The following POLH variants were observed in gnomAD, a reference collection of about 807,000 sequenced individuals.
The protein encoded by POLH is DNA polymerase eta transcript.
A neutral mutation model predicts 73.6 loss-of-function variants in POLH; 53 were observed. That is an observed-to-expected ratio of 0.72 (90% CI 0.58 to 0.91). The LOEUF is 0.91. POLH is among the 40% of genes least tolerant of loss of function. The pLI, the probability that POLH is intolerant of heterozygous loss-of-function variation, is 0.00. For missense variants in POLH, 768 were observed against 865.4 expected, an observed-to-expected ratio of 0.89 and a Z score of 1.41; for synonymous variants, 292 against 308.5, an observed-to-expected ratio of 0.95 and a Z score of 0.56.
intron 6 of POLH, among the ~76,000 whole-genome samples, chr6:43,601,894 C>G (rs1582304920): frequency 6.6e-6 from 1 of 152,188 alleles, no homozygotes; most frequent in Non-Finnish European, 1.5e-5. Flanking sequence ...CCTGTCTCTA[C>G]TAAAAATACA....
In POLH at chr6:43,614,029, TC is replaced by T. The variant is rs746453564; in HGVS notation, c.1615del (p.Leu539Ter). 2.5e-6 allele frequency: 4 copies of T among 1,614,034 alleles called. No homozygotes were observed. Among genetic ancestry groups the T allele is most frequent in the Non-Finnish European group, 3.4e-6 (4 of 1,180,042 alleles). ...EPFFKQKSLL[L>X]KQKQLNNSSV... is the part of the protein sequence containing the mutation. ...CCTTCTTTAAGCAGAAAAGTCTGCT[TC>T]TAAAGCAGAAACAGCTTAATAATTC... On this transcript the variant is annotated frameshift_variant, in exon 11 of 11. Coordinates refer to ENST00000372236, the MANE Select transcript of POLH (RefSeq NM_006502.3). LOFTEE classifies it high-confidence loss of function.
At chr6:43,577,556 T>A (rs1274421310) in intron 1 of POLH, among the ~76,000 whole-genome samples, 2 of 152,242 alleles carry the variant, frequency 1.3e-5, no homozygotes, top group Non-Finnish European at 2.9e-5. Context: ...CTTTGACTGC[T>A]CTGATTTTAA....
At chr6:43,586,759 A>G (rs1046858072) in intron 3 of POLH, among the ~76,000 whole-genome samples, 1 of 152,218 alleles carries the variant, frequency 6.6e-6, no homozygotes, top group African/African-American at 2.4e-5. Flanking sequence ...CTCACCGTTG[A>G]CTGAAGTATA....
chr6:43,590,996 A>G (rs1765404094), intron 4 of POLH: 1 of 152,150 alleles, frequency 6.6e-6, no homozygotes, highest in African/African-American at 2.4e-5. Flanking sequence ...ACAATTGCAT[A>G]AAATGCCTTT....
chr6:43,620,356 A>G lies in POLH; in HGVS notation c.*5799A>G, dbSNP rs1397615533. ...AACCTATGTGGAGGAGAGAAAAACA[A>G]TGGTGAACGAGATACCAGCTGGGCT... On this transcript the variant is annotated 3_prime_UTR_variant, in exon 11 of 11. Coordinates refer to ENST00000372236, the MANE Select transcript of POLH (RefSeq NM_006502.3). The G allele has an allele frequency of 4.0e-6, 2 of 506,026 alleles. No individual in the cohort carries two copies. The highest frequency in any genetic ancestry group is 5.6e-5 in the East Asian group (1 of 17,712). 31.3% of individuals were successfully genotyped at this position (506,026 alleles called of 1,614,324 possible).
chr6:43,616,759 TAAAC>T lies in POLH; in HGVS notation c.*2204_*2207del, dbSNP rs1424641552. On this transcript the variant is annotated 3_prime_UTR_variant, in exon 11 of 11. Transcript: ENST00000372236. Reference sequence around the variant, plus strand: ...CTTTCTGTACATAAAAGTGACTTAATAAACAGTGAATTTCATACAGGTAAACCCT... The same window carrying T: ...CTTTCTGTACATAAAAGTGACTTAATAGTGAATTTCATACAGGTAAACCCT... Among the ~76,000 whole-genome samples the T allele has an allele frequency of 6.6e-6, 1 of 152,196 alleles. No homozygotes were observed. The highest frequency in any genetic ancestry group is 1.5e-5 in the Non-Finnish European group (1 of 68,024).
rs200496091 is a variant in POLH, at chr6:43,614,367, T to C, written c.1952T>C (p.Met651Thr). The C allele has an allele frequency of 2.2e-5, 35 of 1,613,790 alleles. No individual in the cohort carries two copies. The highest frequency in any genetic ancestry group is 3.3e-4 in the Middle Eastern group (2 of 6,084). ...CCGGTATGGGATATGCCAGAACACA[T>C]GGACTATCATTTTGCATTGGAGTTG... is the stretch of plus-strand genomic sequence containing the variant. ...LVPVWDMPEHMDYHFALELQK... is the reference protein window; with the variant it reads ...LVPVWDMPEHTDYHFALELQK... The change falls in exon 11 of 11, where the codon ATG becomes ACG. Residue 651 changes from methionine to threonine, a missense_variant. By Grantham distance (81) the Met-to-Thr change is moderately conservative. Coordinates refer to ENST00000372236, the MANE Select transcript of POLH (RefSeq NM_006502.3).
chr6:43,581,860 C>T lies in POLH; in HGVS notation c.-4-456C>T, dbSNP rs1343416266. 2.5e-4 allele frequency among the ~76,000 whole-genome samples: 37 copies of T among 147,226 alleles called. No individual in the cohort carries two copies. The East Asian group carries it at 7.6e-3, about 30-fold the overall frequency. ...TCCCTAAGCCACCGACCCCAGCCCGCGGCGCCTTCGAGCCTTCTAGGGCCT... is the reference window on the plus strand; with the variant it reads ...TCCCTAAGCCACCGACCCCAGCCCGTGGCGCCTTCGAGCCTTCTAGGGCCT... On this transcript the variant is annotated intron_variant, in intron 1 of 10. Coordinates refer to ENST00000372236, the MANE Select transcript of POLH (RefSeq NM_006502.3).
rs1459089595 is a variant in POLH at position 43,614,178 on chromosome 6, C to T, written c.1763C>T (p.Ser588Phe). Residue 588 changes from serine (S) to phenylalanine (F), a missense_variant, in exon 11 of 11, where the codon TCT becomes TTT. By Grantham distance (155) the Ser-to-Phe change is radical (BLOSUM62 -2). Coordinates refer to ENST00000372236, the MANE Select transcript of POLH (RefSeq NM_006502.3). ...CEGVSKLEES[S>F]KATPAEMDLA... Reference sequence around the variant, plus strand: ...GGGGTGTCGAAGCTAGAAGAATCCTCTAAAGCAACTCCTGCAGAGATGGAT... The same window carrying T: ...GGGGTGTCGAAGCTAGAAGAATCCTTTAAAGCAACTCCTGCAGAGATGGAT... 9 of 1,614,180 alleles carry T rather than the reference C, an allele frequency of 5.6e-6. No individual in the cohort carries two copies. The highest frequency in any genetic ancestry group is 1.1e-5 in the South Asian group (1 of 91,088).
rs150956271 is a variant in POLH, at chr6:43,614,277, C to T, written c.1862C>T (p.Thr621Ile). Reference protein sequence around the residue: ...KSVLEVTQKATPNPSLLAAED... With the variant: ...KSVLEVTQKAIPNPSLLAAED... ...GTGCTGGAGGTGACTCAGAAAGCAA[C>T]CCCAAATCCAAGTCTTCTAGCTGCT... The change falls in exon 11 of 11, where the codon ACC becomes ATC. Residue 621 changes from threonine to isoleucine, a missense_variant. Thr to Ile is a moderately conservative substitution (Grantham distance 89). Coordinates refer to ENST00000372236, the MANE Select transcript of POLH (RefSeq NM_006502.3). 140 of 1,598,756 alleles carry T rather than the reference C, an allele frequency of 8.8e-5. No individual in the cohort carries two copies. The highest frequency in any genetic ancestry group is 1.7e-4 in the Middle Eastern group (1 of 6,008).
intron 5 of POLH, among the ~76,000 whole-genome samples, chr6:43,598,445 G>A (rs953949685): frequency 1.3e-5 from 2 of 151,164 alleles, no homozygotes; most frequent in Admixed American, 1.3e-4. Context: ...TGACCAATAT[G>A]GTAAAACACC....
intron 3 of POLH, among the ~76,000 whole-genome samples, chr6:43,584,614 A>G (rs1326662010): frequency 2.6e-5 from 4 of 152,154 alleles, no homozygotes; most frequent in Non-Finnish European, 5.9e-5. Context: ...CTCGCACTCA[A>G]TTCCAACACT....
At chr6:43,606,516 C>A in intron 9 of POLH, among the ~76,000 whole-genome samples, 1 of 152,022 alleles carries the variant, frequency 6.6e-6, no homozygotes, top group Non-Finnish European at 1.5e-5. Context: ...GCAACCTCCA[C>A]CTCCCAAATT....
chr6:43,582,844 GCCCTATTTTTGA>G (rs1764437489), intron 2 of POLH, among the ~76,000 whole-genome samples, 151 bp from the exon 3 acceptor site: 1 of 152,152 alleles, frequency 6.6e-6, no homozygotes, highest in South Asian at 2.1e-4. Context: ...GCTGTGCCTG[GCCCTATTTTTGA>G]GATTTCTGAA....
Position 43,614,093 on chromosome 6 carries a change from TG to T in POLH, c.1679del (p.Cys560LeufsTer25). 1 of 1,614,204 alleles carries T rather than the reference TG, an allele frequency of 6.2e-7. No individual in the cohort carries two copies. The highest frequency in any genetic ancestry group is 8.5e-7 in the Non-Finnish European group (1 of 1,180,014). ...CCCCCAACAAAACCCATGGTCCAAC[TG>T]TAAAGCATTACCAAACTCTTTACCA... ...SSPQQNPWSN[C>X]KALPNSLPTE... is the part of the protein sequence containing the mutation. On this transcript the variant is annotated frameshift_variant, in exon 11 of 11. Coordinates refer to ENST00000372236, the MANE Select transcript of POLH (RefSeq NM_006502.3). LOFTEE classifies it high-confidence loss of function.
At position 43,620,146 on chromosome 6, in the gene POLH, TAAG is replaced by T; in HGVS notation, c.*5590_*5592del. On this transcript the variant is annotated 3_prime_UTR_variant, in exon 11 of 11. Coordinates refer to ENST00000372236, the MANE Select transcript of POLH (RefSeq NM_006502.3). ...TTTGTCTCTAAATTCTACTCTTCTT[TAAG>T]TAGCTGGCACTGTATCTCTGCCAGG... is the stretch of plus-strand genomic sequence containing the variant. 2.4e-6 allele frequency: 1 copy of T among 422,130 alleles called. No individual in the cohort carries two copies. Among genetic ancestry groups the T allele is most frequent in the Non-Finnish European group, 4.5e-6 (1 of 223,058 alleles). The allele number at this position is 422,130 out of a possible 1,614,324, so 26.1% of individuals were successfully genotyped here. A position where few individuals can be genotyped will look rare whatever the true frequency, so the allele number is the denominator to read the frequency against.
chr6:43,599,912 ACTTTGGGATCCCGAGG>A (rs1766532471), intron 5 of POLH, among the ~76,000 whole-genome samples: 1 of 152,028 alleles, frequency 6.6e-6, no homozygotes, highest in Non-Finnish European at 1.5e-5. Flanking sequence ...TAATCCCAGC[ACTTTGGGATCCCGAGG>A]CTGGTGGATC....
intron 6 of POLH, 21 bp from the exon 7 acceptor site, chr6:43,603,871 C>T: frequency 1.9e-6 from 3 of 1,612,438 alleles, no homozygotes; most frequent in Non-Finnish European, 2.5e-6. Flanking sequence ...CCTATCAATT[C>T]TTTGTCTCCT....
chr6:43,589,725 A>G (rs1765231815), intron 4 of POLH, among the ~76,000 whole-genome samples: 1 of 146,874 alleles, frequency 6.8e-6, no homozygotes, highest in African/African-American at 2.6e-5. Context: ...GTGTGTAATT[A>G]TGGCTCACTG....
Sources: allele counts gnomAD v4.1 joint callset (sites outside exome capture counted in the v4.1 genomes callset), GRCh38; gene constraint gnomAD v4.1.1; transcripts MANE v1.5; gene names NCBI Gene and HGNC (gene_info 2026-07-23, HGNC 2026-07-21).